CDC42BPB: variants seen among roughly 807,000 people sequenced by gnomAD.
CDC42BPB encodes the protein CDC42 binding protein kinase beta.
A neutral mutation model predicts 214.9 loss-of-function variants in CDC42BPB; 37 were observed. The ratio of observed to expected loss-of-function variants is 0.17; its 90% CI spans 0.13 to 0.23. CDC42BPB has a LOEUF of 0.23. CDC42BPB is among the 10% of genes least tolerant of loss of function. CDC42BPB has a pLI of 1.00. For missense variants in CDC42BPB, 1,694 were observed against 2,227.0 expected (o/e 0.76, Z 4.82); for synonymous variants, 931 against 884.0 (o/e 1.05, Z -0.94).
At chr14:102,946,303 G>A (rs747355473) in intron 28 of CDC42BPB, among the ~76,000 whole-genome samples, 165 bp downstream of exon 28, 120 of 152,244 alleles carry the variant, frequency 7.9e-4, no homozygotes, top group East Asian at 2.1e-3. Context: ...GATTACAGGC[G>A]TGAGCCACCG....
rs577118847 is a variant in CDC42BPB at position 103,001,657 on chromosome 14, AG to A, written c.448-1945del. Among the ~76,000 whole-genome samples the A allele has an allele frequency of 1.6e-4, 24 of 152,138 alleles. No homozygotes were observed. Among genetic ancestry groups the A allele is most frequent in the Non-Finnish European group, 3.1e-4 (21 of 68,028 alleles). ...CCACTGCGTGTGGAGGGCGATGCAG[AG>A]GGGGCGGTGGATGCACACTGCAGGC... On this transcript the variant is annotated intron_variant, in intron 4 of 36. Transcript: ENST00000361246. The surrounding 1 kb of genome is among the most constrained non-coding windows in gnomAD (Gnocchi z 5.8).
intron 1 of CDC42BPB, among the ~76,000 whole-genome samples, chr14:103,053,674 A>G (rs1265053153): frequency 6.6e-6 from 1 of 150,904 alleles, no homozygotes; most frequent in Non-Finnish European, 1.5e-5. Flanking sequence ...AGGCAGGAGA[A>G]CAACGTGAAC....
intron 21 of CDC42BPB, among the ~76,000 whole-genome samples, chr14:102,958,521 T>C (rs1347266195): frequency 2.6e-5 from 4 of 152,102 alleles, no homozygotes; most frequent in Admixed American, 2.6e-4. Flanking sequence ...TCCAATATGC[T>C]TTGCGTGCTG....
chr14:102,940,680 G>A (rs1231193016), intron 30 of CDC42BPB: 3 of 332,462 alleles, frequency 9.0e-6, no homozygotes, highest in Admixed American at 8.3e-5. Context: ...TGGAAATTCA[G>A]GTAGGGGCCG....
At chr14:103,053,000 G>A (rs1298350116) in intron 1 of CDC42BPB, among the ~76,000 whole-genome samples, 11 of 152,212 alleles carry the variant, frequency 7.2e-5, no homozygotes, top group African/African-American at 2.4e-4. Context: ...ACTGTAAAGT[G>A]TTTCATATGT....
chr14:102,980,992 C>T lies in CDC42BPB; in HGVS notation c.921G>A (p.Thr307=), dbSNP rs1028532359. ...EERFQFPSHV[T]DVSEEAKDLI... is the part of the protein sequence containing the mutation. ...GGTCCTTCGCTTCTTCAGATACATC[C>T]GTGACATGGGATGGGAACTGGAATC... Residue 307 remains threonine (T), a synonymous_variant, in exon 8 of 37, where the codon ACG becomes ACA. Coordinates refer to ENST00000361246, the MANE Select transcript of CDC42BPB (RefSeq NM_006035.4). 1.4e-5 allele frequency: 22 copies of T among 1,613,978 alleles called. No individual in the cohort carries two copies. The highest frequency in any genetic ancestry group is 5.0e-5 in the Admixed American group (3 of 59,988).
intron 1 of CDC42BPB, among the ~76,000 whole-genome samples, chr14:103,048,362 G>C (rs1190817412): frequency 1.3e-5 from 2 of 151,602 alleles, no homozygotes; most frequent in Non-Finnish European, 2.9e-5. Flanking sequence ...TGGCCAACAT[G>C]GTGAAACCCC....
intron 14 of CDC42BPB, among the ~76,000 whole-genome samples, chr14:102,969,647 C>G (rs1018825173): frequency 1.3e-5 from 2 of 152,240 alleles, no homozygotes; most frequent in African/African-American, 2.4e-5. Context: ...GGAGATCCGC[C>G]TCCGGCCCCT....
At chr14:102,988,309 C>T (rs909816244) in intron 5 of CDC42BPB, among the ~76,000 whole-genome samples, 2 of 144,816 alleles carry the variant, frequency 1.4e-5, no homozygotes, top group East Asian at 4.0e-4. Flanking sequence ...CAAAACAAAA[C>T]ATGACTAACA....
At chr14:102,977,681 C>T (rs956861249) in intron 9 of CDC42BPB, among the ~76,000 whole-genome samples, 2 of 152,168 alleles carry the variant, frequency 1.3e-5, no homozygotes, top group African/African-American at 4.8e-5. Flanking sequence ...GCTGTGGCCA[C>T]CGACTGGATC....
rs193030097 is a variant in CDC42BPB, at chr14:102,948,989, C to G, written c.3449+776G>C. ...TCCTCAGGGTACCCACCCAGCAGCC[C>G]TGCCCCCAAGAACCAATGCTACAGA... On this transcript the variant is annotated intron_variant, in intron 26 of 36. Transcript: ENST00000361246. Among the ~76,000 whole-genome samples, 78 of 152,230 alleles carry G rather than the reference C, an allele frequency of 5.1e-4. 1 individual carries two copies. In the East Asian group the frequency reaches 0.011, roughly 22 times the overall value.
At chr14:102,984,307 G>T (rs1033325224) in intron 6 of CDC42BPB, among the ~76,000 whole-genome samples, 3 of 152,174 alleles carry the variant, frequency 2.0e-5, no homozygotes, top group African/African-American at 7.2e-5. Context: ...AGGGAGTCTT[G>T]TGTAGGGTCT....
intron 1 of CDC42BPB, among the ~76,000 whole-genome samples, chr14:103,036,573 G>A (rs1238180823): frequency 2.0e-5 from 3 of 151,994 alleles, no homozygotes; most frequent in Admixed American, 6.6e-5. Flanking sequence ...ACTATCTACA[G>A]ACTACTCCTC....
chr14:102,946,656 G>C lies in CDC42BPB; in HGVS notation c.3560C>G (p.Ser1187Cys). The C allele has an allele frequency of 6.2e-7, 1 of 1,612,802 alleles. No individual in the cohort carries two copies. Among genetic ancestry groups the C allele is most frequent in the Non-Finnish European group, 8.5e-7 (1 of 1,179,966 alleles). ...CAGAATGAGCAGCGAGCTGGTCTTA[G>C]AAGGTGCACCTAAGAGAGAGGCCGT... ...RVTASLLGAP[S>C]KTSSLLILTE... is the part of the protein sequence containing the mutation. The change falls in exon 28 of 37, where the codon TCT becomes TGT. Residue 1187 changes from serine (S) to cysteine (C), a missense_variant. Ser to Cys is a moderately radical substitution (Grantham distance 112, BLOSUM62 -1). This residue lies in a region of CDC42BPB where 567 missense variants were observed against 790.3 expected (regional missense o/e 0.72). Transcript: ENST00000361246.
intron 36 of CDC42BPB, chr14:102,936,815 G>T (rs972078085): frequency 1.3e-5 from 2 of 152,192 alleles, no homozygotes; most frequent in Admixed American, 1.3e-4. Flanking sequence ...GAATGAGAAA[G>T]AGGTGGTGAC....
In CDC42BPB at chr14:102,954,653, C is replaced by A. The variant is rs1021118380; in HGVS notation, c.2937G>T (p.Pro979=). The stretch of plus-strand genomic sequence containing the variant: ...ACATCGACGGGGACGCTTCTGGCTT[C>A]GGAGCTTGTGTTTCTTGCTCACTAG... ...SSASEQETQA[P]KPEASPSMSV... Residue 979 remains proline (P), a synonymous_variant, in exon 22 of 37, where the codon CCG becomes CCT. Transcript: ENST00000361246. 9.9e-6 allele frequency: 16 copies of A among 1,613,880 alleles called. No homozygotes were observed. The highest frequency in any genetic ancestry group is 1.4e-5 in the Non-Finnish European group (16 of 1,179,982).
intron 24 of CDC42BPB, among the ~76,000 whole-genome samples, chr14:102,952,105 C>T (rs1443865803): frequency 6.6e-6 from 1 of 151,982 alleles, no homozygotes; most frequent in African/African-American, 2.4e-5. Context: ...TCCAGCACTT[C>T]GGGAGGCTAA....
chr14:102,940,595 T>TA (rs922735981), intron 30 of CDC42BPB: 1 of 844,828 alleles, frequency 1.2e-6, no homozygotes, highest in Non-Finnish European at 1.7e-6. Flanking sequence ...AGGTGACTTT[T>TA]AAAAAGTCTG....
chr14:102,969,997 C>A (rs1017543948), intron 14 of CDC42BPB, among the ~76,000 whole-genome samples, 154 bp downstream of exon 14: 1 of 152,246 alleles, frequency 6.6e-6, no homozygotes, highest in African/African-American at 2.4e-5. Flanking sequence ...GCAGGGGTCA[C>A]ACCCCCCACC....
Sources: allele counts gnomAD v4.1 joint callset (sites outside exome capture counted in the v4.1 genomes callset), GRCh38; gene constraint gnomAD v4.1.1; regional missense constraint gnomAD v4.1.1; non-coding constraint Gnocchi (gnomAD v3.1); transcripts MANE v1.5; gene names NCBI Gene and HGNC (gene_info 2026-07-23, HGNC 2026-07-21).